The following IPCEF1 variants were observed in gnomAD, a reference collection of about 807,000 sequenced individuals.
IPCEF1 encodes the protein interaction protein for cytohesin exchange factors 1.
Under a neutral mutation model 50.9 loss-of-function variants are expected in IPCEF1, and 31 were observed. The observed-to-expected ratio is 0.61, with a 90% CI of 0.46 to 0.82. The LOEUF (loss-of-function observed/expected upper bound fraction) is 0.82. IPCEF1 is among the 40% of genes least tolerant of loss of function. The pLI is 0.00. For synonymous variants in IPCEF1, 181 were observed against 192.0 expected (o/e 0.94, Z 0.47); for missense variants, 458 against 514.0 (o/e 0.89, Z 1.05).
chr6:154,218,262 T>A (rs1778573202), intron 7 of IPCEF1, among the ~76,000 whole-genome samples: 1 of 152,216 alleles, frequency 6.6e-6, no homozygotes, highest in African/African-American at 2.4e-5. Flanking sequence ...GAAATTGATG[T>A]ACAAAACAAG....
At chr6:154,331,681 C>A (rs961777497) in intron 1 of IPCEF1, among the ~76,000 whole-genome samples, 1 of 152,094 alleles carries the variant, frequency 6.6e-6, no homozygotes, top group South Asian at 2.1e-4. Flanking sequence ...CACTAAGAGG[C>A]AAAATGGCAG....
At chr6:154,306,776 A>G (rs1236446361) in intron 1 of IPCEF1, 6 of 152,356 alleles carry the variant, frequency 3.9e-5, no homozygotes, top group Admixed American at 3.9e-4. Context: ...AAACTCAAAA[A>G]GTTAAGGAAC....
intron 7 of IPCEF1, among the ~76,000 whole-genome samples, 186 bp downstream of exon 7, chr6:154,221,071 T>A (rs924889980): frequency 6.6e-6 from 1 of 152,204 alleles, no homozygotes; most frequent in African/African-American, 2.4e-5. Flanking sequence ...TACATGTAAT[T>A]CTCCAAACCG....
At chr6:154,278,027 GATACCTTC>G (rs1562576676) in intron 2 of IPCEF1, among the ~76,000 whole-genome samples, 2 of 151,876 alleles carry the variant, frequency 1.3e-5, no homozygotes, top group African/African-American at 4.8e-5. Context: ...TCCTGCCCTA[GATACCTTC>G]ATTTAACCTC....
intron 6 of IPCEF1, 200 bp downstream of exon 6, chr6:154,222,970 C>A (rs2128618233): frequency 3.4e-6 from 2 of 595,708 alleles, no homozygotes; most frequent in East Asian, 5.7e-5. Context: ...TAAAATCCAT[C>A]TGCTCCACAA....
At chr6:154,337,369 C>T (rs936725075) in intron 1 of IPCEF1, among the ~76,000 whole-genome samples, 10 of 152,134 alleles carry the variant, frequency 6.6e-5, no homozygotes, top group African/African-American at 2.4e-4. Context: ...CTAGTCTTTC[C>T]AAGAGAAAGA....
intron 1 of IPCEF1, among the ~76,000 whole-genome samples, chr6:154,338,915 G>A (rs183219150): frequency 7.1e-4 from 108 of 152,196 alleles, no homozygotes; most frequent in African/African-American, 2.6e-3. Flanking sequence ...TCCAGCCCGA[G>A]TGACACAGCA....
In IPCEF1 at chr6:154,282,498, C is replaced by T. The variant is rs569395300; in HGVS notation, c.-18+7215G>A. On this transcript the variant is annotated intron_variant, in intron 2 of 11. Coordinates refer to ENST00000367220, the MANE Select transcript of IPCEF1 (RefSeq NM_001130700.2). ...GAGATCGAGACCATCCTGGCTAACA[C>T]GGTGAAACCCTATCTCTACTAAAAA... Among the ~76,000 whole-genome samples the T allele has an allele frequency of 2.6e-4, 40 of 152,002 alleles. 1 individual carries two copies. The highest frequency in any genetic ancestry group is 1.0e-3 in the South Asian group (5 of 4,812).
At chr6:154,160,217 G>A (rs1490091711) in intron 11 of IPCEF1, among the ~76,000 whole-genome samples, 177 bp from the exon 12 acceptor site, 1 of 152,128 alleles carries the variant, frequency 6.6e-6, no homozygotes, top group Non-Finnish European at 1.5e-5. Flanking sequence ...GTTTGCATAC[G>A]CTAGCCGCAA....
chr6:154,309,604 T>A (rs185824469), intron 1 of IPCEF1, among the ~76,000 whole-genome samples: 1 of 152,266 alleles, frequency 6.6e-6, no homozygotes, highest in African/African-American at 2.4e-5. Flanking sequence ...AGAAGGCATA[T>A]TTACTGTCTC....
chr6:154,227,654 C>A lies in IPCEF1; in HGVS notation c.247-4411G>T, dbSNP rs543969880. ...AATCACCTGAGCCCGGAGGTCGAGGCTGTCATGGGTTGTGATCACAACACT... is the reference window on the plus strand; with the variant it reads ...AATCACCTGAGCCCGGAGGTCGAGGATGTCATGGGTTGTGATCACAACACT... On this transcript the variant is annotated intron_variant, in intron 5 of 11. Coordinates refer to ENST00000367220, the MANE Select transcript of IPCEF1 (RefSeq NM_001130700.2). Among the ~76,000 whole-genome samples the A allele has an allele frequency of 3.4e-4, 51 of 151,926 alleles. 1 individual carries two copies. Among genetic ancestry groups the A allele is most frequent in the African/African-American group, 1.1e-3 (47 of 41,446 alleles).
chr6:154,342,079 G>A (rs564300469), intron 1 of IPCEF1, among the ~76,000 whole-genome samples: 1 of 152,168 alleles, frequency 6.6e-6, no homozygotes, highest in South Asian at 2.1e-4. Flanking sequence ...AAGGCAAAAG[G>A]CCTCAGGCGT....
At chr6:154,280,970 C>T (rs533467720) in intron 2 of IPCEF1, among the ~76,000 whole-genome samples, 5 of 151,944 alleles carry the variant, frequency 3.3e-5, no homozygotes, top group East Asian at 1.9e-4. Context: ...GAGGCCAGAG[C>T]GGAATGATTG....
chr6:154,214,235 G>A lies in IPCEF1; in HGVS notation c.434C>T (p.Ser145Phe). 1 of 1,608,394 alleles carries A rather than the reference G, an allele frequency of 6.2e-7. No homozygotes were observed. The highest frequency in any genetic ancestry group is 1.1e-5 in the South Asian group (1 of 90,944). ...KLGSAVIHQE[S>F]TTKDEECYSE... The stretch of plus-strand genomic sequence containing the variant: ...GAACATACCTTCATCCTTTGTAGTG[G>A]ATTCCTGATGGATTACAGCCGATCC... The change falls in exon 8 of 12, where the codon TCC becomes TTC. Residue 145 changes from serine to phenylalanine, a missense_variant. Ser to Phe is a radical substitution (Grantham distance 155, BLOSUM62 -2). Transcript: ENST00000367220.
chr6:154,318,871 G>A (rs1345036065), intron 1 of IPCEF1, among the ~76,000 whole-genome samples: 2 of 152,224 alleles, frequency 1.3e-5, no homozygotes, highest in Non-Finnish European at 2.9e-5. Context: ...TTTCAGCACT[G>A]GCCACGTTAG....
At chr6:154,225,142 T>C (rs904109322) in intron 5 of IPCEF1, among the ~76,000 whole-genome samples, 1 of 152,212 alleles carries the variant, frequency 6.6e-6, no homozygotes, top group African/African-American at 2.4e-5. Flanking sequence ...ACAAGTCAAG[T>C]ATCCCAAATC....
intron 10 of IPCEF1, among the ~76,000 whole-genome samples, chr6:154,191,722 CT>C (rs1801907417): frequency 3.3e-5 from 5 of 151,910 alleles, no homozygotes; most frequent in Admixed American, 6.6e-5. Context: ...AGAGTGAACC[CT>C]AATGTAAACC....
intron 1 of IPCEF1, among the ~76,000 whole-genome samples, chr6:154,316,207 G>A (rs771905388): frequency 6.6e-6 from 1 of 152,106 alleles, no homozygotes; most frequent in Admixed American, 6.5e-5. Flanking sequence ...GTAAAATTGG[G>A]TTGCCATTAT....
At chr6:154,220,843 A>G (rs145018544) in intron 7 of IPCEF1, among the ~76,000 whole-genome samples, 17 of 152,384 alleles carry the variant, frequency 1.1e-4, no homozygotes, top group African/African-American at 3.8e-4. Flanking sequence ...CAATACATGG[A>G]GAGGTGATAA....
Sources: allele counts gnomAD v4.1 joint callset (sites outside exome capture counted in the v4.1 genomes callset), GRCh38; gene constraint gnomAD v4.1.1; transcripts MANE v1.5; gene names NCBI Gene and HGNC (gene_info 2026-07-23, HGNC 2026-07-21).